RAB11FIP4: variants seen among roughly 807,000 people sequenced by gnomAD.
The protein encoded by RAB11FIP4 is rab11 family-interacting protein 4.
RAB11FIP4 carries 23 observed loss-of-function variants against 74.3 expected under a neutral mutation model. The observed-to-expected ratio is 0.31, with a 90% CI of 0.22 to 0.44. The LOEUF (loss-of-function observed/expected upper bound fraction) is 0.44, where lower values mean the gene tolerates loss of function less well. RAB11FIP4 is among the 20% of genes least tolerant of loss of function. The pLI is 1.00. For missense variants in RAB11FIP4, 630 were observed against 863.9 expected, an observed-to-expected ratio of 0.73 and a Z score of 3.39; for synonymous variants, 360 against 359.9, an observed-to-expected ratio of 1.00 and a Z score of 0.00.
chr17:31,435,337 A>G (rs1211875944), intron 3 of RAB11FIP4, among the ~76,000 whole-genome samples: 1 of 152,160 alleles, frequency 6.6e-6, no homozygotes, highest in African/African-American at 2.4e-5. Flanking sequence ...TGTATCAGGA[A>G]GCGGGACAAA....
At chr17:31,500,985 T>G (rs1414529826) in intron 3 of RAB11FIP4, among the ~76,000 whole-genome samples, 4 of 150,492 alleles carry the variant, frequency 2.7e-5, no homozygotes, top group African/African-American at 9.8e-5. Context: ...ATCGTGCCAC[T>G]GCACTCCAGC....
chr17:31,404,091 A>T (rs1246844496), intron 1 of RAB11FIP4, among the ~76,000 whole-genome samples: 2 of 152,136 alleles, frequency 1.3e-5, no homozygotes, highest in Non-Finnish European at 2.9e-5. Context: ...GGAGGTGCGC[A>T]TTTCTCTGAC....
chr17:31,526,216 A>C (rs2072764372), intron 10 of RAB11FIP4: 1 of 152,264 alleles, frequency 6.6e-6, no homozygotes, highest in Non-Finnish European at 1.5e-5. Flanking sequence ...GCTCTCGCTC[A>C]GCCCGCCTCG....
intron 1 of RAB11FIP4, chr17:31,431,412 GGAACAAGAAATA>G (rs2071308262): frequency 5.4e-6 from 1 of 183,812 alleles, no homozygotes; most frequent in African/African-American, 2.4e-5. Flanking sequence ...GCCAGCACCT[GGAACAAGAAATA>G]GAACAAGAGA....
intron 11 of RAB11FIP4, 26 bp from the exon 12 acceptor site, chr17:31,528,380 C>A: frequency 6.2e-7 from 1 of 1,607,434 alleles, no homozygotes; most frequent in Non-Finnish European, 8.5e-7. Context: ...GAACTCTCCT[C>A]CCCTGATCGG....
At chr17:31,511,928 C>G (rs746391454) in intron 3 of RAB11FIP4, among the ~76,000 whole-genome samples, 3 of 152,198 alleles carry the variant, frequency 2.0e-5, no homozygotes, top group African/African-American at 7.2e-5. Context: ...CTGTGTGCCT[C>G]TAGGTTCCCA....
At chr17:31,416,936 A>C (rs947170476) in intron 1 of RAB11FIP4, among the ~76,000 whole-genome samples, 1 of 151,902 alleles carries the variant, frequency 6.6e-6, no homozygotes, top group African/African-American at 2.4e-5. Flanking sequence ...TAAAGCACAT[A>C]CAGGCCCTTT....
rs184098162 is a variant in RAB11FIP4 at position 31,437,751 on chromosome 17, C to T, written c.336+3629C>T. On this transcript the variant is annotated intron_variant, in intron 3 of 14. Transcript: ENST00000621161. ...GTGCTGGCTGGTGGGCCAGCAGCTG[C>T]CACCTGGCCCCTGAGAGCACCCTGC... 9.2e-5 allele frequency among the ~76,000 whole-genome samples: 14 copies of T among 152,248 alleles called. 1 individual carries two copies. In the East Asian group the frequency reaches 2.7e-3, roughly 29 times the overall value.
intron 3 of RAB11FIP4, among the ~76,000 whole-genome samples, chr17:31,446,166 T>C (rs2071462068): frequency 1.3e-5 from 2 of 152,102 alleles, no homozygotes; most frequent in African/African-American, 2.4e-5. Context: ...TAAATTTAAA[T>C]TAAAAATAAA....
At chr17:31,468,635 C>T (rs1027193925) in intron 3 of RAB11FIP4, among the ~76,000 whole-genome samples, 60 of 152,080 alleles carry the variant, frequency 3.9e-4, no homozygotes, top group Admixed American at 1.6e-3. Flanking sequence ...TTGAGACCAT[C>T]CTGGCCAACA....
intron 3 of RAB11FIP4, among the ~76,000 whole-genome samples, chr17:31,510,356 C>T (rs1432032870): frequency 2.6e-5 from 4 of 152,240 alleles, no homozygotes; most frequent in African/African-American, 7.2e-5. Flanking sequence ...GTGTGTCCAC[C>T]CCCACCGCAC....
intron 3 of RAB11FIP4, among the ~76,000 whole-genome samples, chr17:31,454,590 G>A (rs1381284087): frequency 6.6e-6 from 1 of 151,634 alleles, no homozygotes; most frequent in Non-Finnish European, 1.5e-5. Context: ...TGATTCTTAA[G>A]ATGGAAACTC....
chr17:31,519,956 A>C (rs1373983314), intron 4 of RAB11FIP4, among the ~76,000 whole-genome samples: 1 of 152,162 alleles, frequency 6.6e-6, no homozygotes, highest in East Asian at 1.9e-4. Flanking sequence ...TCTACTAAAA[A>C]TACAAAATTA....
At chr17:31,457,506 C>G (rs939800817) in intron 3 of RAB11FIP4, among the ~76,000 whole-genome samples, 2 of 152,116 alleles carry the variant, frequency 1.3e-5, no homozygotes, top group Non-Finnish European at 2.9e-5. Flanking sequence ...CCACCCCAGT[C>G]CCCCCTGGAA....
intron 3 of RAB11FIP4, among the ~76,000 whole-genome samples, chr17:31,495,577 G>T (rs1054742400): frequency 6.6e-6 from 1 of 151,850 alleles, no homozygotes; most frequent in Non-Finnish European, 1.5e-5. Context: ...ACCCATGCTG[G>T]TCTCAAACTT....
At chr17:31,430,151 G>A (rs962244950) in intron 1 of RAB11FIP4, among the ~76,000 whole-genome samples, 2 of 152,138 alleles carry the variant, frequency 1.3e-5, no homozygotes, top group African/African-American at 4.8e-5. Flanking sequence ...CTGACATGGC[G>A]AATGGGGAGG....
chr17:31,404,927 G>A (rs2151616760), intron 1 of RAB11FIP4, among the ~76,000 whole-genome samples: 1 of 152,270 alleles, frequency 6.6e-6, no homozygotes, highest in South Asian at 2.1e-4. Flanking sequence ...TATGCCAAAG[G>A]TGAGACCTAC....
chr17:31,421,442 C>T (rs1011231304), intron 1 of RAB11FIP4, among the ~76,000 whole-genome samples: 2 of 151,866 alleles, frequency 1.3e-5, no homozygotes, highest in Non-Finnish European at 2.9e-5. Context: ...TGGTCTTGAA[C>T]TCCTGACCTC....
rs949026607 is a variant in RAB11FIP4 at position 31,533,983 on chromosome 17, T to C, written c.*2251T>C. On this transcript the variant is annotated 3_prime_UTR_variant, in exon 15 of 15. Coordinates refer to ENST00000621161, the MANE Select transcript of RAB11FIP4 (RefSeq NM_032932.6). ...GAATACATTTCTTGTAAAACCTGGCTTGTTGCTTGGCTTTTAAAGATGGTG... is the reference window on the plus strand; with the variant it reads ...GAATACATTTCTTGTAAAACCTGGCCTGTTGCTTGGCTTTTAAAGATGGTG... 3.3e-5 allele frequency: 5 copies of C among 152,256 alleles called. No individual in the cohort carries two copies. Among genetic ancestry groups the C allele is most frequent in the African/African-American group, 9.6e-5 (4 of 41,462 alleles). The allele number at this position is 152,256 out of a possible 1,614,324, so 9.4% of individuals were successfully genotyped here. A position where few individuals can be genotyped will look rare whatever the true frequency, so the allele number is the denominator to read the frequency against.
Sources: gnomAD v4.1 joint callset for allele counts (sites outside exome capture counted in the v4.1 genomes callset) on GRCh38, gnomAD v4.1.1 for gene constraint, MANE v1.5 for transcripts, NCBI Gene and HGNC (gene_info 2026-07-23, HGNC 2026-07-21) for gene names.